Variants in CCDC148 observed in about 807,000 individuals in gnomAD.
CCDC148 encodes the protein coiled-coil domain containing 148.
CCDC148 carries 89 observed loss-of-function variants against 85.7 expected under a neutral mutation model. The ratio of observed to expected loss-of-function variants is 1.04; its 90% CI spans 0.87 to 1.24. The LOEUF (loss-of-function observed/expected upper bound fraction) is 1.24, where lower values mean the gene tolerates loss of function less well. CCDC148 is among the 50% of genes most tolerant of loss of function. CCDC148 has a pLI of 0.00. For synonymous variants in CCDC148, 230 were observed against 213.9 expected (o/e 1.08, Z -0.66); for missense variants, 692 against 671.7 (o/e 1.03, Z -0.33).
intron 1 of CCDC148, among the ~76,000 whole-genome samples, chr2:158,377,297 A>C (rs76762204): frequency 6.6e-6 from 1 of 152,006 alleles, no homozygotes; most frequent in South Asian, 2.1e-4. Context: ...GGTGGGGTAC[A>C]AATTACCATG....
At chr2:158,253,400 C>G (rs979405834) in intron 9 of CCDC148, among the ~76,000 whole-genome samples, 1 of 151,644 alleles carries the variant, frequency 6.6e-6, no homozygotes, top group Non-Finnish European at 1.5e-5. Context: ...AAAGTACCCC[C>G]TGCTTGAAAT....
intron 1 of CCDC148, among the ~76,000 whole-genome samples, chr2:158,414,349 T>C (rs1686396914): frequency 6.6e-6 from 1 of 152,334 alleles, no homozygotes; most frequent in Non-Finnish European, 1.5e-5. Flanking sequence ...GCCAAGTCTT[T>C]ATAGGATTCT....
chr2:158,235,946 C>T (rs1688086089), intron 10 of CCDC148: 1 of 152,300 alleles, frequency 6.6e-6, no homozygotes, highest in Non-Finnish European at 1.5e-5. Context: ...CCAAACCCCA[C>T]ACCTCTCCCT....
rs879942572 is a variant in CCDC148 at position 158,451,603 on chromosome 2, T to C, written c.25+4812A>G. On this transcript the variant is annotated intron_variant, in intron 1 of 13. Coordinates refer to ENST00000283233, the MANE Select transcript of CCDC148 (RefSeq NM_138803.4). Reference sequence around the variant, plus strand: ...TGATTCTACCCTGAAAAAACAATTATATCACTAATTTTCTCAAAGTTCTCT... The same window carrying C: ...TGATTCTACCCTGAAAAAACAATTACATCACTAATTTTCTCAAAGTTCTCT... 2.0e-4 allele frequency among the ~76,000 whole-genome samples: 31 copies of C among 152,136 alleles called. 1 individual carries two copies. Among genetic ancestry groups the C allele is most frequent in the Admixed American group, 1.4e-3 (21 of 15,264 alleles).
chr2:158,280,796 C>T (rs926722501), intron 9 of CCDC148, among the ~76,000 whole-genome samples: 20 of 152,316 alleles, frequency 1.3e-4, no homozygotes, highest in Admixed American at 2.6e-4. Flanking sequence ...ATCTACAGAA[C>T]TCTCCACCCC....
intron 3 of CCDC148, among the ~76,000 whole-genome samples, chr2:158,344,865 G>A (rs755732491): frequency 6.6e-6 from 1 of 151,982 alleles, no homozygotes; most frequent in African/African-American, 2.4e-5. Context: ...CCCGTGATAG[G>A]ATCTTTACCA....
chr2:158,338,968 T>C, intron 6 of CCDC148, 22 bp downstream of exon 6: 1 of 1,605,116 alleles, frequency 6.2e-7, no homozygotes. Flanking sequence ...AACACATAAA[T>C]TATTAGCCAC....
intron 1 of CCDC148, among the ~76,000 whole-genome samples, chr2:158,422,025 G>A (rs761921594): frequency 2.2e-4 from 34 of 151,876 alleles, no homozygotes; most frequent in Non-Finnish European, 4.0e-4. Context: ...TACAACCTCC[G>A]AAGACTAAAC....
chr2:158,212,022 C>CTAT (rs548646953), intron 11 of CCDC148, among the ~76,000 whole-genome samples: 1 of 151,936 alleles, frequency 6.6e-6, no homozygotes, highest in Non-Finnish European at 1.5e-5. Context: ...GTCATAAGTA[C>CTAT]TATTATTATT....
At chr2:158,417,544 T>A (rs907633250) in intron 1 of CCDC148, among the ~76,000 whole-genome samples, 2 of 152,208 alleles carry the variant, frequency 1.3e-5, no homozygotes, top group Non-Finnish European at 2.9e-5. Context: ...CCACATCAGC[T>A]TGGATGAGAT....
chr2:158,418,750 A>G (rs1482815740), intron 1 of CCDC148, among the ~76,000 whole-genome samples: 2 of 152,096 alleles, frequency 1.3e-5, no homozygotes, highest in African/African-American at 4.8e-5. Flanking sequence ...CCTCACTAGA[A>G]TAGAAGCTCT....
In CCDC148 at chr2:158,436,280, T is replaced by C. The variant is rs564868874; in HGVS notation, c.25+20135A>G. On this transcript the variant is annotated intron_variant, in intron 1 of 13. Transcript: ENST00000283233. ...AACAGAAATTATAACAAACTGTCTC[T>C]CGGACCACAGTGCAATCAAACTAGA... Among the ~76,000 whole-genome samples the C allele has an allele frequency of 2.6e-5, 4 of 152,344 alleles. No individual in the cohort carries two copies. The South Asian group carries it at 8.3e-4, about 32-fold the overall frequency.
chr2:158,181,541 G>GGC (rs1684903928), intron 11 of CCDC148, among the ~76,000 whole-genome samples: 1 of 152,100 alleles, frequency 6.6e-6, no homozygotes, highest in South Asian at 2.1e-4. Context: ...GAGACCATGG[G>GGC]AAAGACAGCT....
At chr2:158,354,133 C>T (rs1187082006) in intron 2 of CCDC148, among the ~76,000 whole-genome samples, 1 of 151,414 alleles carries the variant, frequency 6.6e-6, no homozygotes. Context: ...CAGGAAAGAT[C>T]CAAAATTGAC....
chr2:158,420,367 C>T (rs1686714224), intron 1 of CCDC148, among the ~76,000 whole-genome samples: 1 of 152,118 alleles, frequency 6.6e-6, no homozygotes, highest in African/African-American at 2.4e-5. Flanking sequence ...AAGGGAAGCC[C>T]ATCAGACTAA....
At chr2:158,359,237 C>T (rs536801014) in intron 1 of CCDC148, among the ~76,000 whole-genome samples, 1 of 152,224 alleles carries the variant, frequency 6.6e-6, no homozygotes, top group South Asian at 2.1e-4. Flanking sequence ...TCGAACAAAA[C>T]ATGTACTTCC....
rs761292522 is a variant in CCDC148 at position 158,172,176 on chromosome 2, T to C, written c.1713A>G (p.Leu571=). Residue 571 remains leucine (L), a synonymous_variant, in exon 14 of 14, where the codon TTA becomes TTG. Coordinates refer to ENST00000283233, the MANE Select transcript of CCDC148 (RefSeq NM_138803.4). The part of the protein sequence containing the change: ...LHRTLYAKEI[L]PKISPQKPPR... ...GAGGTTTTTGAGGACTAATTTTTGG[T>C]AATATCTCTTTAGCATAAAGTGTTC... The C allele has an allele frequency of 1.7e-5, 27 of 1,610,240 alleles. 2 individuals carry two copies. Among genetic ancestry groups the C allele is most frequent in the South Asian group, 9.9e-5 (9 of 90,684 alleles).
At chr2:158,275,833 C>T (rs1689914916) in intron 9 of CCDC148, among the ~76,000 whole-genome samples, 1 of 151,932 alleles carries the variant, frequency 6.6e-6, no homozygotes, top group South Asian at 2.1e-4. Flanking sequence ...GAGGGTTTCT[C>T]TTACAATGGA....
intron 11 of CCDC148, among the ~76,000 whole-genome samples, chr2:158,204,679 T>C (rs1029039547): frequency 3.9e-5 from 6 of 152,100 alleles, no homozygotes; most frequent in Admixed American, 1.3e-4. Context: ...CCAGAAATTA[T>C]GAAGCAGAGA....
Sources: gnomAD v4.1 joint callset for allele counts (sites outside exome capture counted in the v4.1 genomes callset) on GRCh38, gnomAD v4.1.1 for gene constraint, MANE v1.5 for transcripts, NCBI Gene and HGNC (gene_info 2026-07-23, HGNC 2026-07-21) for gene names.